SH2B3: variants seen among roughly 807,000 people sequenced by gnomAD.
SH2B3 encodes the protein SH2B adapter protein 3.
SH2B3 carries 43 observed loss-of-function variants against 51.9 expected under a neutral mutation model. That is an observed-to-expected ratio of 0.83 (90% confidence interval 0.65 to 1.07). The LOEUF (loss-of-function observed/expected upper bound fraction) is 1.07, where lower values mean the gene tolerates loss of function less well. SH2B3 is among the 50% of genes least tolerant of loss of function. SH2B3 has a pLI of 0.00. For synonymous variants in SH2B3, 396 were observed against 376.0 expected, an observed-to-expected ratio of 1.05 and a Z score of -0.62; for missense variants, 952 against 834.3, an observed-to-expected ratio of 1.14 and a Z score of -1.74.
chr12:111,445,249 G>A (rs1234081763), intron 2 of SH2B3, among the ~76,000 whole-genome samples: 1 of 152,228 alleles, frequency 6.6e-6, no homozygotes, highest in South Asian at 2.1e-4. Flanking sequence ...CTGCAGCTAG[G>A]GGGAAGGGTG....
chr12:111,424,773 C>G (rs1441599571), intron 2 of SH2B3, among the ~76,000 whole-genome samples: 3 of 152,188 alleles, frequency 2.0e-5, no homozygotes, highest in East Asian at 3.9e-4. Flanking sequence ...GACCACAACT[C>G]TTGCATGTGC....
At chr12:111,408,208 G>T (rs1412590718) in intron 1 of SH2B3, among the ~76,000 whole-genome samples, 4 of 152,148 alleles carry the variant, frequency 2.6e-5, no homozygotes, top group African/African-American at 9.7e-5. Context: ...TTGCTTAACT[G>T]CCCCACCTCA....
chr12:111,442,796 G>A (rs1873556394), intron 2 of SH2B3, among the ~76,000 whole-genome samples: 1 of 152,244 alleles, frequency 6.6e-6, no homozygotes, highest in Non-Finnish European at 1.5e-5. Context: ...TCTCACCAGG[G>A]GAGGCCATGC....
rs141493649 is a variant in SH2B3 at position 111,446,958 on chromosome 12, A to G, written c.851A>G (p.Asp284Gly). Residue 284 changes from aspartate (D) to glycine (G), a missense_variant, in exon 4 of 8, where the codon GAC becomes GGC. Transcript: ENST00000341259. ...CCCTGCCAGGTGAAGGACCGGACAG[A>G]CATCATCTTTGAGGTGGGAGACGAG... ...TFVLKVKDRT[D>G]IIFEVGDEQQ... is the part of the protein sequence containing the mutation. The G allele has an allele frequency of 4.3e-6, 7 of 1,613,924 alleles. No individual in the cohort carries two copies. Among genetic ancestry groups the G allele is most frequent in the Non-Finnish European group, 5.1e-6 (6 of 1,179,958 alleles).
At chr12:111,444,795 C>A in intron 2 of SH2B3, 3 of 985,554 alleles carry the variant, frequency 3.0e-6, no homozygotes, top group Non-Finnish European at 3.6e-6. Context: ...GGTTGTCCTG[C>A]GCCCATGTGC....
In SH2B3 at chr12:111,448,254, C is replaced by G; in HGVS notation, c.1680C>G (p.Ser560=). The G allele has an allele frequency of 6.2e-7, 1 of 1,614,082 alleles. No homozygotes were observed. The highest frequency in any genetic ancestry group is 1.1e-5 in the South Asian group (1 of 91,076). Residue 560 remains serine (S), a synonymous_variant, in exon 8 of 8, where the codon TCC becomes TCG. Transcript: ENST00000341259. ...ACTCGGACTACGAAATGGACTCATC[C>G]TCCCGGAGCCACCTGCGGGCCATAG... is the stretch of plus-strand genomic sequence containing the variant. ...ARDSDYEMDS[S]SRSHLRAIDN...
rs1870284506 is a variant in SH2B3, at chr12:111,406,784, A to G, written c.-28+507A>G. Among the ~76,000 whole-genome samples the G allele has an allele frequency of 6.6e-6, 1 of 152,160 alleles. No homozygotes were observed. The highest frequency in any genetic ancestry group is 2.4e-5 in the African/African-American group (1 of 41,446). On this transcript the variant is annotated intron_variant, in intron 1 of 7. Coordinates refer to ENST00000341259, the MANE Select transcript of SH2B3 (RefSeq NM_005475.3). This position sits in a 1 kb window ranked among gnomAD's most constrained non-coding sequence, Gnocchi z 5.7. ...TAAGAGGGTAGCGCCCTGATTCAGG[A>G]AGCCCCTCTCCCCAGTTCCTGCACT...
intron 2 of SH2B3, among the ~76,000 whole-genome samples, chr12:111,430,617 C>T (rs576212752): frequency 2.6e-5 from 4 of 152,108 alleles, no homozygotes; most frequent in African/African-American, 7.2e-5. Context: ...GAAGGGTGGA[C>T]GCTGGAGAAG....
intron 2 of SH2B3, among the ~76,000 whole-genome samples, chr12:111,436,068 C>T (rs562133479): frequency 5.3e-5 from 8 of 152,324 alleles, no homozygotes; most frequent in African/African-American, 1.9e-4. Context: ...TGGATGGAAG[C>T]TGCTGCATGC....
At chr12:111,405,620 T>A (rs926822831), upstream of SH2B3, among the ~76,000 whole-genome samples, 1 of 151,494 alleles carries the variant, frequency 6.6e-6, no homozygotes, top group African/African-American at 2.4e-5. This position sits in a 1 kb window ranked among gnomAD's most constrained non-coding sequence, Gnocchi z 5.4. Flanking sequence ...GCCCCTCCGA[T>A]CCTCACTTCT....
At chr12:111,439,345 C>G (rs1050024325) in intron 2 of SH2B3, among the ~76,000 whole-genome samples, 3 of 152,196 alleles carry the variant, frequency 2.0e-5, no homozygotes, top group African/African-American at 7.2e-5. Context: ...GACAGAGTTT[C>G]TCCATGTTGG....
At chr12:111,404,987 G>A (rs549998314), upstream of SH2B3, among the ~76,000 whole-genome samples, 9 of 152,240 alleles carry the variant, frequency 5.9e-5, no homozygotes, top group South Asian at 1.9e-3. Context: ...TTCCTGTTGG[G>A]GGAGGGGGAG....
chr12:111,434,331 C>A (rs975067977), intron 2 of SH2B3, among the ~76,000 whole-genome samples: 1 of 152,234 alleles, frequency 6.6e-6, no homozygotes, highest in African/African-American at 2.4e-5. Flanking sequence ...GCCTCCAGCC[C>A]GTGGCAACCA....
At chr12:111,421,032 C>T (rs916847514) in intron 2 of SH2B3, among the ~76,000 whole-genome samples, 8 of 152,232 alleles carry the variant, frequency 5.3e-5, no homozygotes, top group Non-Finnish European at 1.2e-4. Flanking sequence ...ATGCCTCCCC[C>T]AGGCCAGTGC....
Position 111,450,310 on chromosome 12 carries a change from A to C in SH2B3, c.*2008A>C, listed in dbSNP as rs28698441. 1 of 152,252 alleles carries C rather than the reference A, an allele frequency of 6.6e-6. No homozygotes were observed. Among genetic ancestry groups the C allele is most frequent in the Admixed American group, 6.5e-5 (1 of 15,284 alleles). 9.4% of individuals were successfully genotyped at this position (152,252 alleles called of 1,614,324 possible). On this transcript the variant is annotated 3_prime_UTR_variant, in exon 8 of 8. Transcript: ENST00000341259. ...TGATCCAGATTTGCAGTCCATTTTT[A>C]AGGACACCTGTCTTTATTTCCTCAA...
At chr12:111,440,288 C>A (rs948368803) in intron 2 of SH2B3, among the ~76,000 whole-genome samples, 1 of 152,234 alleles carries the variant, frequency 6.6e-6, no homozygotes, top group Admixed American at 6.5e-5. Context: ...CTGCTCCTTG[C>A]ACGGAGCTGG....
chr12:111,448,207 G>C lies in SH2B3; in HGVS notation c.1633G>C (p.Glu545Gln). 6.2e-7 allele frequency: 1 copy of C among 1,614,142 alleles called. No individual in the cohort carries two copies. Among genetic ancestry groups the C allele is most frequent in the Non-Finnish European group, 8.5e-7 (1 of 1,180,012 alleles). ...LANSLQHLEH[E>Q]PVNRARDSDY... ...CAACAGCCTGCAGCACCTGGAGCAT[G>C]AGCCTGTGAATCGAGCCCGGGACTC... Residue 545 changes from glutamate (E) to glutamine (Q), a missense_variant, in exon 8 of 8, where the codon GAG becomes CAG. Physicochemically the swap from Glu to Gln is conservative, Grantham distance 29. Coordinates refer to ENST00000341259, the MANE Select transcript of SH2B3 (RefSeq NM_005475.3).
rs923576564 is a variant in SH2B3 at position 111,410,880 on chromosome 12, T to C, written c.-28+4603T>C. ...CCTCCTTAGGCCACAGGGTCTGGAC[T>C]CTATGAACAGTTGGTGCTAGGCATG... On this transcript the variant is annotated intron_variant, in intron 1 of 7. Transcript: ENST00000341259. The surrounding 1 kb of genome is among the most constrained non-coding windows in gnomAD (Gnocchi z 4.9). 1.3e-5 allele frequency among the ~76,000 whole-genome samples: 2 copies of C among 152,206 alleles called. No individual in the cohort carries two copies. Among genetic ancestry groups the C allele is most frequent in the Non-Finnish European group, 2.9e-5 (2 of 68,022 alleles).
chr12:111,407,304 CCGGCAAGGCAATGT>C lies in SH2B3; in HGVS notation c.-28+1037_-28+1050del, dbSNP rs1213293474. 6.6e-6 allele frequency among the ~76,000 whole-genome samples: 1 copy of C among 152,070 alleles called. No homozygotes were observed. The highest frequency in any genetic ancestry group is 1.5e-5 in the Non-Finnish European group (1 of 68,014). ...TGGTGGGGGGTTCAGAGCAGAGGCCCCGGCAAGGCAATGTCGGCAAGGCCAGCTTTGGTGGCAGG... is the reference window on the plus strand; with the variant it reads ...TGGTGGGGGGTTCAGAGCAGAGGCCCCGGCAAGGCCAGCTTTGGTGGCAGG... On this transcript the variant is annotated intron_variant, in intron 1 of 7. Coordinates refer to ENST00000341259, the MANE Select transcript of SH2B3 (RefSeq NM_005475.3). The surrounding 1 kb of genome is among the most constrained non-coding windows in gnomAD (Gnocchi z 4.3).
Sources: allele counts gnomAD v4.1 joint callset (sites outside exome capture counted in the v4.1 genomes callset), GRCh38; gene constraint gnomAD v4.1.1; non-coding constraint Gnocchi (gnomAD v3.1); transcripts MANE v1.5; gene names NCBI Gene and HGNC (gene_info 2026-07-23, HGNC 2026-07-21).